RBFOX1: variants seen among roughly 807,000 people sequenced by gnomAD.
RBFOX1 encodes RNA binding fox-1 homolog 1, also known as RNA binding protein fox-1 homolog 1.
In RBFOX1, 8 loss-of-function variants were observed where a neutral mutation model predicts 57.7. The observed-to-expected ratio is 0.14, with a 90% confidence interval of 0.08 to 0.25. The LOEUF (loss-of-function observed/expected upper bound fraction) is 0.25, where lower values mean the gene tolerates loss of function less well. RBFOX1 is among the 10% of genes least tolerant of loss of function. RBFOX1 has a pLI of 1.00. For synonymous variants in RBFOX1, 326 were observed against 222.4 expected, an observed-to-expected ratio of 1.47 and a Z score of -4.15; for missense variants, 611 against 548.5, an observed-to-expected ratio of 1.11 and a Z score of -1.14.
Position 7,007,183 on chromosome 16 carries a change from G to A in RBFOX1, c.-15-44874G>A, listed in dbSNP as rs117417152. Among the ~76,000 whole-genome samples the A allele has an allele frequency of 3.3e-3, 496 of 152,306 alleles. 4 individuals carry two copies. The highest frequency in any genetic ancestry group is 0.01 in the Middle Eastern group (3 of 294). ...CAGCAAAATTTATTTCCTTGCAGCT[G>A]TAAAGCTGAAGTCTCCATTTCTTTA... On this transcript the variant is annotated intron_variant, in intron 3 of 15. Coordinates refer to ENST00000550418, the MANE Select transcript of RBFOX1 (RefSeq NM_018723.4).
chr16:7,505,864 A>G (rs113918615), intron 4 of RBFOX1, among the ~76,000 whole-genome samples: 3,128 of 152,230 alleles, frequency 0.021, 129 homozygotes, highest in African/African-American at 0.072. Flanking sequence ...TTATGGCTTC[A>G]GCACAACTTT....
intron 4 of RBFOX1, among the ~76,000 whole-genome samples, chr16:7,443,962 T>C (rs1026401559): frequency 1.3e-5 from 2 of 152,324 alleles, no homozygotes; most frequent in East Asian, 1.9e-4. Context: ...AAACCAAAGC[T>C]GTACATATTT....
chr16:6,893,211 CA>C (rs1162648402), intron 3 of RBFOX1, among the ~76,000 whole-genome samples: 1 of 152,088 alleles, frequency 6.6e-6, no homozygotes, highest in Non-Finnish European at 1.5e-5. Flanking sequence ...GACAAGCTCA[CA>C]GGGAAGCAGA....
chr16:5,746,778 C>T lies in RBFOX1; in HGVS notation c.319-120525C>T, dbSNP rs935309460. On this transcript the variant is annotated intron_variant, in intron 3 of 19. Transcript: ENST00000641259. Reference sequence around the variant, plus strand: ...TGTATAAGAATGCTTGTGATTTTTGCACATTGATTTTGTATCCTGAGACTT... The same window carrying T: ...TGTATAAGAATGCTTGTGATTTTTGTACATTGATTTTGTATCCTGAGACTT... 4.6e-5 allele frequency among the ~76,000 whole-genome samples: 7 copies of T among 152,296 alleles called. No homozygotes were observed. In the East Asian group the frequency reaches 9.6e-4, roughly 21 times the overall value.
At chr16:5,561,936 G>C (rs2045903625) in intron 2 of RBFOX1, among the ~76,000 whole-genome samples, 1 of 152,140 alleles carries the variant, frequency 6.6e-6, no homozygotes, top group African/African-American at 2.4e-5. Flanking sequence ...ATTCTTTCGA[G>C]GGCCTCTTTT....
chr16:6,344,482 C>T (rs1003911312), intron 2 of RBFOX1, among the ~76,000 whole-genome samples: 1 of 146,688 alleles, frequency 6.8e-6, no homozygotes, highest in Non-Finnish European at 1.5e-5. Context: ...ACTGCATGCT[C>T]TGCCTCCCGG....
intron 4 of RBFOX1, among the ~76,000 whole-genome samples, chr16:7,119,991 A>G (rs1352502577): frequency 2.6e-5 from 4 of 152,026 alleles, no homozygotes; most frequent in African/African-American, 4.8e-5. Flanking sequence ...TTGAAATCAT[A>G]TAGTTGCTTT....
intron 1 of RBFOX1, among the ~76,000 whole-genome samples, chr16:5,333,142 C>G (rs1236205280): frequency 6.6e-6 from 1 of 152,062 alleles, no homozygotes; most frequent in East Asian, 1.9e-4. Context: ...GAGCCGAGAT[C>G]ATGCTACTGC....
intron 3 of RBFOX1, among the ~76,000 whole-genome samples, chr16:5,619,711 C>T (rs2048146978): frequency 6.6e-6 from 1 of 152,174 alleles, no homozygotes; most frequent in Non-Finnish European, 1.5e-5. Context: ...GGAGGCTCCA[C>T]TGGGAGCTTG....
intron 1 of RBFOX1, among the ~76,000 whole-genome samples, chr16:6,218,580 G>T (rs57735823): frequency 0.19 from 28,215 of 152,108 alleles, 3,384 homozygotes; most frequent in East Asian, 0.42. Flanking sequence ...AAAGTGCTGG[G>T]ATTACAGGCA....
intron 2 of RBFOX1, among the ~76,000 whole-genome samples, chr16:6,427,043 T>C (rs1010522745): frequency 1.3e-5 from 2 of 152,198 alleles, no homozygotes; most frequent in African/African-American, 4.8e-5. Flanking sequence ...CTAGTTATTA[T>C]AGATTAGCCC....
chr16:7,221,204 C>T (rs2092701373), intron 4 of RBFOX1, among the ~76,000 whole-genome samples: 1 of 152,040 alleles, frequency 6.6e-6, no homozygotes, highest in African/African-American at 2.4e-5. Context: ...CTGCCTTGTA[C>T]ATTGTAAGTG....
chr16:6,969,458 G>A (rs1377736068), intron 3 of RBFOX1, among the ~76,000 whole-genome samples: 1 of 151,946 alleles, frequency 6.6e-6, no homozygotes, highest in African/African-American at 2.4e-5. Flanking sequence ...AAGGTGGCCG[G>A]GTGTGGTGGC....
intron 1 of RBFOX1, among the ~76,000 whole-genome samples, chr16:5,336,238 C>A (rs2064892493): frequency 6.6e-6 from 1 of 152,078 alleles, no homozygotes; most frequent in Admixed American, 6.5e-5. Flanking sequence ...GCACTGAGAC[C>A]CTAGAAACGG....
chr16:7,085,497 C>A (rs1551964), intron 4 of RBFOX1, among the ~76,000 whole-genome samples: 88,318 of 152,030 alleles, frequency 0.58, 28,975 homozygotes, highest in East Asian at 0.89. Context: ...TGGATTTGAC[C>A]GATTCACCAC....
chr16:6,408,790 T>A (rs1205092418), intron 2 of RBFOX1, among the ~76,000 whole-genome samples: 3 of 152,214 alleles, frequency 2.0e-5, no homozygotes, highest in Non-Finnish European at 4.4e-5. Flanking sequence ...AAAATGACAG[T>A]GATTTGTGTT....
In RBFOX1 at chr16:6,510,335, G is replaced by C. The variant is rs986713695; in HGVS notation, c.-63-144268G>C. Among the ~76,000 whole-genome samples the C allele has an allele frequency of 3.3e-5, 5 of 152,216 alleles. 1 individual carries two copies. The South Asian group carries it at 8.3e-4, about 25-fold the overall frequency. On this transcript the variant is annotated intron_variant, in intron 2 of 15. Transcript: ENST00000550418. ...TGTTTTTGAGATTTGAACTGCTTTTGTTCGTGGAAGGTCACATGTGATGCC... is the reference window on the plus strand; with the variant it reads ...TGTTTTTGAGATTTGAACTGCTTTTCTTCGTGGAAGGTCACATGTGATGCC...
intron 2 of RBFOX1, among the ~76,000 whole-genome samples, chr16:6,345,623 CAT>C (rs2085262321): frequency 6.6e-6 from 1 of 152,200 alleles, no homozygotes; most frequent in African/African-American, 2.4e-5. Flanking sequence ...ACATGGCAGA[CAT>C]AATCCTAGGT....
intron 10 of RBFOX1, among the ~76,000 whole-genome samples, chr16:7,629,305 G>C (rs1271629362): frequency 6.6e-6 from 1 of 152,130 alleles, no homozygotes; most frequent in Non-Finnish European, 1.5e-5. Context: ...ACACGCTTTG[G>C]AAGTTTTAAC....
Sources: gnomAD v4.1 joint callset for allele counts (sites outside exome capture counted in the v4.1 genomes callset) on GRCh38, gnomAD v4.1.1 for gene constraint, MANE v1.5 for transcripts, NCBI Gene and HGNC (gene_info 2026-07-23, HGNC 2026-07-21) for gene names.